The following LRP1B variants were observed in gnomAD, a reference collection of about 807,000 sequenced individuals.
LRP1B encodes low-density lipoprotein receptor-related protein 1B.
A neutral mutation model predicts 556.6 loss-of-function variants in LRP1B; 217 were observed. That is an observed-to-expected ratio of 0.39 (90% CI 0.35 to 0.44). The LOEUF (loss-of-function observed/expected upper bound fraction) is 0.44, where lower values mean the gene tolerates loss of function less well. Ranked by LOEUF, LRP1B falls within the 20% of genes least tolerant of loss-of-function variation. The pLI, the probability that LRP1B is intolerant of heterozygous loss-of-function variation, is 1.00. For synonymous variants in LRP1B, 2,047 were observed against 1,865.8 expected, an observed-to-expected ratio of 1.10 and a Z score of -2.50; for missense variants, 5,053 against 5,620.8, an observed-to-expected ratio of 0.90 and a Z score of 3.23.
chr2:140,491,373 TAC>T (rs1688693196), intron 57 of LRP1B, among the ~76,000 whole-genome samples: 2 of 152,082 alleles, frequency 1.3e-5, no homozygotes, highest in Admixed American at 6.6e-5. Context: ...TGTATATATA[TAC>T]AGCTTATATA....
chr2:142,061,869 T>C (rs1704931078), intron 1 of LRP1B, among the ~76,000 whole-genome samples: 1 of 151,968 alleles, frequency 6.6e-6, no homozygotes, highest in South Asian at 2.1e-4. Flanking sequence ...GTTAATAAAT[T>C]TGTGGAGGAC....
intron 2 of LRP1B, among the ~76,000 whole-genome samples, chr2:141,558,831 A>C (rs1034452799): frequency 6.6e-6 from 1 of 151,766 alleles, no homozygotes; most frequent in Non-Finnish European, 1.5e-5. Context: ...ACAAAAATCA[A>C]TATGCTGCTC....
At chr2:141,187,382 A>G (rs1681307737) in intron 7 of LRP1B, among the ~76,000 whole-genome samples, 1 of 152,116 alleles carries the variant, frequency 6.6e-6, no homozygotes, top group Admixed American at 6.6e-5. Flanking sequence ...CTGTTTCTTC[A>G]GTAAATATTT....
At chr2:141,020,142 A>G (rs2105397447) in intron 11 of LRP1B, 40 bp from the exon 12 acceptor site, 1 of 1,347,836 alleles carries the variant, frequency 7.4e-7, no homozygotes, top group Non-Finnish European at 9.9e-7. Flanking sequence ...TTGCTTTTAC[A>G]ACTATAGTAA....
intron 33 of LRP1B, among the ~76,000 whole-genome samples, chr2:140,772,937 T>C (rs1689365961): frequency 6.6e-6 from 1 of 151,830 alleles, no homozygotes; most frequent in South Asian, 2.1e-4. Flanking sequence ...CCATCTCTAC[T>C]GAAAAAACAA....
chr2:140,600,361 C>T (rs1208510725), intron 42 of LRP1B, among the ~76,000 whole-genome samples: 1 of 152,084 alleles, frequency 6.6e-6, no homozygotes, highest in Non-Finnish European at 1.5e-5. Flanking sequence ...CATTACATTG[C>T]TCAGTCTTAA....
At chr2:141,740,615 T>TA (rs1349795776) in intron 2 of LRP1B, among the ~76,000 whole-genome samples, 1 of 152,178 alleles carries the variant, frequency 6.6e-6, no homozygotes, top group East Asian at 1.9e-4. Context: ...TTCAGTTATT[T>TA]AAAAATATAC....
intron 1 of LRP1B, among the ~76,000 whole-genome samples, chr2:141,893,671 G>A (rs1699356773): frequency 6.6e-6 from 1 of 152,106 alleles, no homozygotes; most frequent in African/African-American, 2.4e-5. Flanking sequence ...TCACTTGTAG[G>A]TTTTTCCACG....
chr2:140,768,317 T>C (rs1300958814), intron 35 of LRP1B, among the ~76,000 whole-genome samples: 1 of 151,908 alleles, frequency 6.6e-6, no homozygotes, highest in East Asian at 1.9e-4. Flanking sequence ...TTACAATGAT[T>C]CTTTTTTTTA....
chr2:141,651,788 C>T (rs1384288419), intron 2 of LRP1B, among the ~76,000 whole-genome samples: 1 of 152,114 alleles, frequency 6.6e-6, no homozygotes, highest in African/African-American at 2.4e-5. Context: ...CTTAACGTAA[C>T]TGAAGTGTTT....
intron 37 of LRP1B, among the ~76,000 whole-genome samples, chr2:140,714,771 G>A (rs1042604944): frequency 1.3e-5 from 2 of 151,994 alleles, no homozygotes; most frequent in Non-Finnish European, 2.9e-5. Flanking sequence ...AGCCAGGCAC[G>A]GTGGCTCATG....
intron 4 of LRP1B, among the ~76,000 whole-genome samples, chr2:141,253,116 G>T (rs1258647105): frequency 3.3e-5 from 5 of 152,126 alleles, no homozygotes; most frequent in Admixed American, 6.6e-5. Flanking sequence ...TGCAGAATAG[G>T]TATCTAAGCC....
rs148897778 is a variant in LRP1B at position 140,753,845 on chromosome 2, C to A, written c.5758+15368G>T. Among the ~76,000 whole-genome samples the A allele has an allele frequency of 3.9e-3, 595 of 152,258 alleles. 4 individuals are homozygous for A. The highest frequency in any genetic ancestry group is 0.012 in the African/African-American group (509 of 41,554). ...TCTCGTACCCTCCAACTCTAAATTG[C>A]TGAGCCTAAACTTCTGTTGAATACA... On this transcript the variant is annotated intron_variant, in intron 35 of 90. Transcript: ENST00000389484.
chr2:141,205,763 C>T (rs139233633), intron 6 of LRP1B, among the ~76,000 whole-genome samples: 1 of 152,212 alleles, frequency 6.6e-6, no homozygotes, highest in Non-Finnish European at 1.5e-5. Flanking sequence ...AAAAATTTAA[C>T]TAGAAATGGT....
chr2:140,558,570 G>GGTTGCTTA (rs1321692501), intron 43 of LRP1B, among the ~76,000 whole-genome samples: 1 of 152,104 alleles, frequency 6.6e-6, no homozygotes, highest in East Asian at 1.9e-4. Context: ...GTAGATACCT[G>GGTTGCTTA]GTTGCTTAGG....
At chr2:141,774,471 C>A (rs1456484463) in intron 2 of LRP1B, among the ~76,000 whole-genome samples, 2 of 152,028 alleles carry the variant, frequency 1.3e-5, no homozygotes, top group African/African-American at 4.8e-5. Context: ...TGGTGCTGGG[C>A]CATTCATGAG....
At chr2:141,636,437 G>T (rs1012480845) in intron 2 of LRP1B, among the ~76,000 whole-genome samples, 57 of 152,094 alleles carry the variant, frequency 3.7e-4, no homozygotes, top group African/African-American at 1.4e-3. Context: ...TCATTCACAA[G>T]GTTGGAAAAA....
chr2:141,170,153 C>G (rs887174488), intron 7 of LRP1B, among the ~76,000 whole-genome samples: 7 of 152,070 alleles, frequency 4.6e-5, no homozygotes, highest in Admixed American at 2.6e-4. Context: ...AGACACCTGT[C>G]CTTTTTGGGG....
At chr2:141,687,027 T>C (rs948520671) in intron 2 of LRP1B, among the ~76,000 whole-genome samples, 6 of 152,024 alleles carry the variant, frequency 3.9e-5, no homozygotes, top group Non-Finnish European at 8.8e-5. Context: ...TTATAAATTA[T>C]ATACTTTCAG....
Sources: allele counts gnomAD v4.1 joint callset (sites outside exome capture counted in the v4.1 genomes callset), GRCh38; gene constraint gnomAD v4.1.1; transcripts MANE v1.5; gene names NCBI Gene and HGNC (gene_info 2026-07-23, HGNC 2026-07-21).